The following NUP93 variants were observed in gnomAD, a reference collection of about 807,000 sequenced individuals.
NUP93 encodes the protein nuclear pore complex protein Nup93.
NUP93 carries 55 observed loss-of-function variants against 107.8 expected under a neutral mutation model. That is an observed-to-expected ratio of 0.51 (90% confidence interval 0.41 to 0.64). NUP93 has a LOEUF of 0.64. Among genes scored for constraint, NUP93 ranks in the 30% least tolerant of loss-of-function variants. NUP93 has a pLI of 0.00. For synonymous variants in NUP93, 390 were observed against 397.5 expected (o/e 0.98, Z 0.22); for missense variants, 937 against 1,044.7 (o/e 0.90, Z 1.42).
intron 1 of NUP93, among the ~76,000 whole-genome samples, chr16:56,739,429 C>A (rs1961670418): frequency 1.7e-5 from 1 of 59,434 alleles, no homozygotes; most frequent in Non-Finnish European, 3.3e-5. Context: ...GACGGGGCGG[C>A]TGGCCGGGCA....
At position 56,827,069 on chromosome 16, in the gene NUP93, A is replaced by AAAAAAAAAAAAAAAAAAAAAAAAT. The variant is rs1430722800; in HGVS notation, c.795-1908_795-1907insAAAAAAAAAAAAAAAAAAAAAAAT. Among the ~76,000 whole-genome samples, 62 of 125,662 alleles carry AAAAAAAAAAAAAAAAAAAAAAAAT rather than the reference A, an allele frequency of 4.9e-4. 5 individuals are homozygous for AAAAAAAAAAAAAAAAAAAAAAAAT. Among genetic ancestry groups the AAAAAAAAAAAAAAAAAAAAAAAAT allele is most frequent in the Non-Finnish European group, 7.1e-4 (42 of 59,002 alleles). The allele number at this position is 125,662 out of a possible 152,430, so 82.4% of individuals were successfully genotyped here. A position where few individuals can be genotyped will look rare whatever the true frequency, so the allele number is the denominator to read the frequency against. The stretch of plus-strand genomic sequence containing the variant: ...CAAAAAAAAAAAAAAAAAAAAAAAA[A>AAAAAAAAAAAAAAAAAAAAAAAAT]TTTTGTTGAGTCTGTTTCCTGTTAT... On this transcript the variant is annotated intron_variant, in intron 8 of 21. Coordinates refer to ENST00000308159, the MANE Select transcript of NUP93 (RefSeq NM_014669.5).
rs533851189 is a variant in NUP93 at position 56,842,155 on chromosome 16, G to A, written c.2349+322G>A. On this transcript the variant is annotated intron_variant, in intron 21 of 21. Transcript: ENST00000308159. ...AGATAAGTTTATTTTGTTAGTCCTA[G>A]CTCATTAGTGAACACTTTTATTAAA... 2.0e-5 allele frequency among the ~76,000 whole-genome samples: 3 copies of A among 152,314 alleles called. No individual in the cohort carries two copies. The East Asian group carries it at 5.8e-4, about 29-fold the overall frequency.
intron 1 of NUP93, among the ~76,000 whole-genome samples, chr16:56,740,114 A>T (rs371767141): frequency 2.8e-5 from 2 of 70,960 alleles, no homozygotes; most frequent in African/African-American, 6.3e-5. Flanking sequence ...GCGGCTGGCC[A>T]GGCGGGGGGC....
At chr16:56,735,688 C>T (rs1174326710) in intron 1 of NUP93, among the ~76,000 whole-genome samples, 1 of 151,770 alleles carries the variant, frequency 6.6e-6, no homozygotes, top group African/African-American at 2.4e-5. Flanking sequence ...ATTAGCTGGG[C>T]ATGGTGGTGC....
chr16:56,825,402 A>G (rs1963638657), intron 8 of NUP93, among the ~76,000 whole-genome samples: 1 of 151,798 alleles, frequency 6.6e-6, no homozygotes, highest in South Asian at 2.1e-4. Context: ...ATGGAGTTTC[A>G]CCATGTTGGC....
In NUP93 at chr16:56,844,891, T is replaced by A; in HGVS notation, c.*282T>A. The A allele has an allele frequency of 2.5e-6, 1 of 394,314 alleles. No individual in the cohort carries two copies. The highest frequency in any genetic ancestry group is 4.5e-6 in the Non-Finnish European group (1 of 223,812). The allele number at this position is 394,314 out of a possible 1,614,324, so 24.4% of individuals were successfully genotyped here. ...AGGGAATGAGAGGCTATGTAGATAT[T>A]CATTATTTGGTTAAATTGACCTTAA... On this transcript the variant is annotated 3_prime_UTR_variant, in exon 22 of 22. Transcript: ENST00000308159.
intron 11 of NUP93, 138 bp downstream of exon 11, chr16:56,832,145 T>TG: frequency 8.0e-7 from 1 of 1,249,942 alleles, no homozygotes; most frequent in Admixed American, 1.8e-5. Context: ...TGTCCCCATT[T>TG]TTTGTTGTGT....
intron 3 of NUP93, among the ~76,000 whole-genome samples, 186 bp from the exon 4 acceptor site, chr16:56,798,290 C>T (rs1189590851): frequency 6.6e-6 from 1 of 152,156 alleles, no homozygotes; most frequent in African/African-American, 2.4e-5. Flanking sequence ...TCATCATGTG[C>T]TCCCAGAATG....
chr16:56,783,593 C>T, intron 3 of NUP93: 6 of 985,384 alleles, frequency 6.1e-6, no homozygotes, highest in Non-Finnish European at 7.2e-6. Context: ...AAATTATTTC[C>T]CTTTGTCTGA....
intron 5 of NUP93, 97 bp from the exon 6 acceptor site, chr16:56,818,567 C>T (rs1176297815): frequency 5.2e-6 from 5 of 968,256 alleles, no homozygotes; most frequent in Non-Finnish European, 8.0e-6. Context: ...CTTTTCACAG[C>T]TCTGTTAAAG....
intron 2 of NUP93, among the ~76,000 whole-genome samples, chr16:56,751,568 AC>A (rs1961920155): frequency 6.6e-6 from 1 of 152,224 alleles, no homozygotes; most frequent in Non-Finnish European, 1.5e-5. Flanking sequence ...AAGGATTGTC[AC>A]AGGCACTTTC....
chr16:56,847,847 T>C lies in NUP93; in HGVS notation c.*3238T>C, dbSNP rs1964134254. ...GAACTTACAGTCTAATTAGAGCCTC[T>C]TAAGGACAATTTGGCAGCCACTGTT... On this transcript the variant is annotated 3_prime_UTR_variant, in exon 22 of 22. Transcript: ENST00000308159. The C allele has an allele frequency of 6.6e-6, 1 of 152,192 alleles. No homozygotes were observed. The highest frequency in any genetic ancestry group is 1.5e-5 in the Non-Finnish European group (1 of 68,040). The allele number at this position is 152,192 out of a possible 1,614,324, so 9.4% of individuals were successfully genotyped here.
At chr16:56,782,975 G>A (rs1962546293) in intron 3 of NUP93, among the ~76,000 whole-genome samples, 1 of 152,152 alleles carries the variant, frequency 6.6e-6, no homozygotes, top group Admixed American at 6.5e-5. Context: ...TATAATTTGT[G>A]TAAGTGAAAT....
chr16:56,785,349 C>G (rs1274775789), intron 3 of NUP93, among the ~76,000 whole-genome samples: 1 of 152,058 alleles, frequency 6.6e-6, no homozygotes, highest in Admixed American at 6.6e-5. Context: ...GACCCAGTTT[C>G]TTCCTGCTTT....
chr16:56,840,130 C>G (rs1336669661), intron 20 of NUP93, among the ~76,000 whole-genome samples: 1 of 152,172 alleles, frequency 6.6e-6, no homozygotes, highest in Non-Finnish European at 1.5e-5. Flanking sequence ...ACACCATTCT[C>G]CTGCCTCAGC....
chr16:56,801,334 A>T (rs191977811), intron 4 of NUP93, among the ~76,000 whole-genome samples: 2 of 152,364 alleles, frequency 1.3e-5, no homozygotes, highest in African/African-American at 2.4e-5. Flanking sequence ...TAGCCCACAG[A>T]TTGAATGTTC....
chr16:56,791,253 C>T (rs1216222961), intron 3 of NUP93, among the ~76,000 whole-genome samples: 2 of 152,160 alleles, frequency 1.3e-5, no homozygotes, highest in Non-Finnish European at 2.9e-5. Flanking sequence ...TGACTATTGC[C>T]TTGTAAGCCC....
chr16:56,760,816 C>T lies in NUP93; in HGVS notation c.297+2161C>T, dbSNP rs201433961. Among the ~76,000 whole-genome samples, 60 of 152,138 alleles carry T rather than the reference C, an allele frequency of 3.9e-4. 1 individual carries two copies. In the East Asian group the frequency reaches 8.1e-3, roughly 21 times the overall value. On this transcript the variant is annotated intron_variant, in intron 3 of 21. Transcript: ENST00000308159. ...ATAAAAAATGATCGGGGCATGGTGG[C>T]GCACTCCTGTAGTCCCAGCTACAGG...
At chr16:56,829,379 T>C (rs1963734706) in intron 9 of NUP93, among the ~76,000 whole-genome samples, 1 of 152,232 alleles carries the variant, frequency 6.6e-6, no homozygotes, top group Non-Finnish European at 1.5e-5. Flanking sequence ...TAGGACTTGC[T>C]GAAGAACATG....
Sources: gnomAD v4.1 joint callset for allele counts (sites outside exome capture counted in the v4.1 genomes callset) on GRCh38, gnomAD v4.1.1 for gene constraint, MANE v1.5 for transcripts, NCBI Gene and HGNC (gene_info 2026-07-23, HGNC 2026-07-21) for gene names.